The following PRIM2 variants were observed in gnomAD, a reference collection of about 807,000 sequenced individuals.
PRIM2 encodes DNA primase subunit 2.
In PRIM2, 39 loss-of-function variants were observed where a neutral mutation model predicts 67.3. The ratio of observed to expected loss-of-function variants is 0.58; its 90% CI spans 0.45 to 0.76. The LOEUF is 0.76. PRIM2 is among the 30% of genes least tolerant of loss of function. The pLI is 0.00. For synonymous variants in PRIM2, 143 were observed against 198.7 expected (o/e 0.72, Z 2.36); for missense variants, 398 against 598.7 (o/e 0.66, Z 3.50).
chr6:57,510,047 G>A (rs1774332597), intron 8 of PRIM2, among the ~76,000 whole-genome samples: 2 of 151,610 alleles, frequency 1.3e-5, no homozygotes, highest in Admixed American at 1.3e-4. Flanking sequence ...GTTCACCTCC[G>A]TAGTCTGAAT....
intron 7 of PRIM2, among the ~76,000 whole-genome samples, chr6:57,435,590 G>T (rs150191352): frequency 4.7e-4 from 71 of 152,310 alleles, no homozygotes; most frequent in African/African-American, 1.7e-3. Flanking sequence ...TCCTGTTGAA[G>T]GGACTGAAGA....
At chr6:57,340,458 A>C (rs1270429208) in intron 5 of PRIM2, among the ~76,000 whole-genome samples, 3 of 152,192 alleles carry the variant, frequency 2.0e-5, no homozygotes, top group African/African-American at 7.2e-5. Context: ...AACCAACCCA[A>C]ATGTCCAACA....
At chr6:57,355,132 C>T (rs947217943) in intron 5 of PRIM2, among the ~76,000 whole-genome samples, 17 of 152,360 alleles carry the variant, frequency 1.1e-4, no homozygotes, top group African/African-American at 3.1e-4. Flanking sequence ...GGTGAAATCC[C>T]GTCTCTACTA....
At chr6:57,388,880 G>C (rs1488063839) in intron 7 of PRIM2, among the ~76,000 whole-genome samples, 1 of 152,174 alleles carries the variant, frequency 6.6e-6, no homozygotes, top group Non-Finnish European at 1.5e-5. Context: ...AATTTTTGGG[G>C]AGGAGAATGT....
At chr6:57,273,095 A>G in the PRIM2 span, among the ~76,000 whole-genome samples, 3 of 151,996 alleles carry the variant, frequency 2.0e-5, no homozygotes, top group African/African-American at 7.3e-5. Context: ...GAATCTGACA[A>G]TTATGTGTCT....
chr6:57,357,355 A>G (rs562924757), intron 5 of PRIM2, among the ~76,000 whole-genome samples: 16 of 152,276 alleles, frequency 1.1e-4, no homozygotes, highest in African/African-American at 1.4e-4. Flanking sequence ...ATTTGTAATA[A>G]GTTACCTCAA....
At chr6:57,325,766 G>A (rs911448327) in intron 4 of PRIM2, 159 bp from the exon 5 acceptor site, 1 of 205,034 alleles carries the variant, frequency 4.9e-6, no homozygotes, top group South Asian at 1.7e-4. Context: ...TGTGATATGT[G>A]GTATTGATAT....
At chr6:57,274,943 A>ATTT in the PRIM2 span, among the ~76,000 whole-genome samples, 99 of 137,388 alleles carry the variant, frequency 7.2e-4, 2 homozygotes, top group East Asian at 2.5e-3. Flanking sequence ...CACCTGGCTA[A>ATTT]TTTTTTTTTT....
At chr6:57,318,140 G>C (rs1487437634) in intron 1 of PRIM2, among the ~76,000 whole-genome samples, 1 of 152,120 alleles carries the variant, frequency 6.6e-6, no homozygotes, top group Non-Finnish European at 1.5e-5. Flanking sequence ...GTGACACACA[G>C]GCCTATAATG....
chr6:57,645,423 A>T lies in PRIM2; in HGVS notation c.1300-505A>T, dbSNP rs1464704281. Among the ~76,000 whole-genome samples the T allele has an allele frequency of 2.0e-5, 3 of 150,624 alleles. No homozygotes were observed. The East Asian group carries it at 5.8e-4, about 29-fold the overall frequency. ...TTTTCTAATTTTTTGTTTTGACGTAATTGTCAACCAGAATTGGTAATGTTT... is the reference window on the plus strand; with the variant it reads ...TTTTCTAATTTTTTGTTTTGACGTATTTGTCAACCAGAATTGGTAATGTTT... On this transcript the variant is annotated intron_variant, in intron 13 of 13. Transcript: ENST00000615550.
At chr6:57,489,496 G>T (rs1456785444) in intron 7 of PRIM2, among the ~76,000 whole-genome samples, 6 of 152,272 alleles carry the variant, frequency 3.9e-5, no homozygotes, top group African/African-American at 1.4e-4. Context: ...GGCGGAGCTT[G>T]CATTGAGCCG....
intron 7 of PRIM2, among the ~76,000 whole-genome samples, chr6:57,466,567 G>A (rs1219508424): frequency 4.6e-5 from 7 of 152,208 alleles, no homozygotes; most frequent in Admixed American, 2.0e-4. Flanking sequence ...TTTCTCTAAT[G>A]ACCAGTGCTG....
chr6:57,388,944 C>G (rs1276011629), intron 7 of PRIM2, among the ~76,000 whole-genome samples: 2 of 151,942 alleles, frequency 1.3e-5, no homozygotes, highest in African/African-American at 4.8e-5. Context: ...AGAGAGGGGG[C>G]CCACAGCTGA....
At chr6:57,527,815 A>G (rs1774791588) in intron 8 of PRIM2, among the ~76,000 whole-genome samples, 1 of 152,198 alleles carries the variant, frequency 6.6e-6, no homozygotes, top group Non-Finnish European at 1.5e-5. Context: ...CTTTCTGATT[A>G]TAGATGAGTA....
chr6:57,575,511 T>C (rs1775947120), intron 10 of PRIM2, among the ~76,000 whole-genome samples: 1 of 152,200 alleles, frequency 6.6e-6, no homozygotes, highest in Admixed American at 6.5e-5. Flanking sequence ...ATTGGAGTTT[T>C]AGATGTGCTA....
At chr6:57,638,038 T>G (rs1398066770) in intron 13 of PRIM2, among the ~76,000 whole-genome samples, 1 of 152,086 alleles carries the variant, frequency 6.6e-6, no homozygotes, top group African/African-American at 2.4e-5. Context: ...CCCATCAGAC[T>G]AACAGCGGAT....
In PRIM2 at chr6:57,646,008, C is replaced by G. The variant is rs1160566326; in HGVS notation, c.1380C>G (p.Asp460Glu). 1.2e-5 allele frequency: 20 copies of G among 1,605,952 alleles called. No individual in the cohort carries two copies. The highest frequency in any genetic ancestry group is 1.7e-5 in the Non-Finnish European group (20 of 1,172,784). The change falls in exon 14 of 14, where the codon GAC (aspartate) becomes GAG (glutamate). Residue 460 changes from aspartate (D) to glutamate (E), a missense_variant. By Grantham distance (45) the Asp-to-Glu change is conservative. Coordinates refer to ENST00000615550, the MANE Select transcript of PRIM2 (RefSeq NM_000947.5). ...AACGTATTCTAAATGGTGGTAAAGA[C>G]ATAAAGAAGGAACCTATCCAACCAG... ...ESQRILNGGK[D>E]IKKEPIQPET... is the part of the protein sequence containing the mutation.
intron 4 of PRIM2, 117 bp downstream of exon 4, chr6:57,324,397 G>A (rs45549431): frequency 0.013 from 7,104 of 550,382 alleles, 69 homozygotes; most frequent in South Asian, 0.021. Flanking sequence ...ATCAGGAGCC[G>A]GTTGATCATG....
chr6:57,395,193 G>A (rs1002862677), intron 7 of PRIM2, among the ~76,000 whole-genome samples: 1 of 151,984 alleles, frequency 6.6e-6, no homozygotes, highest in African/African-American at 2.4e-5. Flanking sequence ...AATTAGGGAG[G>A]GTTCCTTCTT....
Sources: gnomAD v4.1 joint callset for allele counts (sites outside exome capture counted in the v4.1 genomes callset) on GRCh38, gnomAD v4.1.1 for gene constraint, MANE v1.5 for transcripts, NCBI Gene and HGNC (gene_info 2026-07-23, HGNC 2026-07-21) for gene names.